Variants in CATSPERB observed in about 807,000 individuals in gnomAD.
CATSPERB encodes the protein catsper channel auxiliary subunit beta, also known as cation channel sperm-associated auxiliary subunit beta.
A neutral mutation model predicts 128.3 loss-of-function variants in CATSPERB; 93 were observed. The ratio of observed to expected loss-of-function variants is 0.72; its 90% CI spans 0.61 to 0.86. CATSPERB has a LOEUF of 0.86. Ranked by LOEUF, CATSPERB falls within the 40% of genes least tolerant of loss-of-function variation. The pLI, the probability that CATSPERB is intolerant of heterozygous loss-of-function variation, is 0.00. For synonymous variants in CATSPERB, 381 were observed against 448.8 expected, an observed-to-expected ratio of 0.85 and a Z score of 1.91; for missense variants, 1,153 against 1,329.5, an observed-to-expected ratio of 0.87 and a Z score of 2.06.
At chr14:91,625,036 T>C (rs1480095216) in intron 17 of CATSPERB, 29 bp from the exon 18 acceptor site, 15 of 1,478,472 alleles carry the variant, frequency 1.0e-5, no homozygotes, top group Non-Finnish European at 1.3e-5. Context: ...ATTAAGCAAT[T>C]TGGATAAAAC....
In CATSPERB at chr14:91,664,512, C is replaced by T. The variant is rs759865927; in HGVS notation, c.1288-4531G>A. On this transcript the variant is annotated intron_variant, in intron 14 of 26. Coordinates refer to ENST00000256343, the MANE Select transcript of CATSPERB (RefSeq NM_024764.4). ...AACTCCTGACCTCAGGTGATCCACCCGCCTCGGCCTCCCAAAGTGCTGGGA... is the reference window on the plus strand; with the variant it reads ...AACTCCTGACCTCAGGTGATCCACCTGCCTCGGCCTCCCAAAGTGCTGGGA... Among the ~76,000 whole-genome samples, 7 of 152,082 alleles carry T rather than the reference C, an allele frequency of 4.6e-5. No individual in the cohort carries two copies. The South Asian group carries it at 8.3e-4, about 18-fold the overall frequency.
At chr14:91,706,287 T>C (rs2139856104) in intron 6 of CATSPERB, among the ~76,000 whole-genome samples, 1 of 152,240 alleles carries the variant, frequency 6.6e-6, no homozygotes, top group East Asian at 1.9e-4. Context: ...CACTCCAGAA[T>C]TCAAAGAAAT....
At chr14:91,629,171 A>T (rs1894224609) in intron 17 of CATSPERB, among the ~76,000 whole-genome samples, 1 of 152,206 alleles carries the variant, frequency 6.6e-6, no homozygotes, top group African/African-American at 2.4e-5. Flanking sequence ...AGATGATGGA[A>T]TATTATATGA....
chr14:91,670,437 G>C (rs1895067830), intron 13 of CATSPERB, among the ~76,000 whole-genome samples: 1 of 151,968 alleles, frequency 6.6e-6, no homozygotes, highest in Admixed American at 6.6e-5. Flanking sequence ...CAGCACTTTG[G>C]GAGGCCTATG....
chr14:91,595,139 T>C (rs933613033), intron 22 of CATSPERB, among the ~76,000 whole-genome samples: 1 of 152,144 alleles, frequency 6.6e-6, no homozygotes, highest in Non-Finnish European at 1.5e-5. Flanking sequence ...CAGTTTCCCA[T>C]TTTTACTAAA....
chr14:91,592,286 C>T (rs771415814), intron 22 of CATSPERB: 3 of 402,360 alleles, frequency 7.5e-6, no homozygotes, highest in African/African-American at 2.1e-5. Context: ...CTGAATTCTG[C>T]ATCCCAGGAC....
At chr14:91,728,753 T>C (rs1445913493) in intron 2 of CATSPERB, among the ~76,000 whole-genome samples, 1 of 152,178 alleles carries the variant, frequency 6.6e-6, no homozygotes, top group Non-Finnish European at 1.5e-5. Context: ...TCAACAAGAA[T>C]CATGATATAA....
chr14:91,685,802 G>T (rs1895363599), intron 10 of CATSPERB, among the ~76,000 whole-genome samples: 1 of 152,228 alleles, frequency 6.6e-6, no homozygotes, highest in East Asian at 1.9e-4. Context: ...GAGTGGTTTA[G>T]CATGGCCAGG....
At chr14:91,605,743 C>G (rs1174617429) in intron 22 of CATSPERB, among the ~76,000 whole-genome samples, 1 of 152,112 alleles carries the variant, frequency 6.6e-6, no homozygotes, top group Non-Finnish European at 1.5e-5. Context: ...TCTGTTACCA[C>G]TCTCTCCTCC....
chr14:91,621,228 C>T lies in CATSPERB; in HGVS notation c.2260+380G>A, dbSNP rs574614737. Among the ~76,000 whole-genome samples, 66 of 152,176 alleles carry T rather than the reference C, an allele frequency of 4.3e-4. 1 individual carries two copies. Among genetic ancestry groups the T allele is most frequent in the African/African-American group, 1.6e-3 (65 of 41,520 alleles). ...AGCAGCCTGGCCAACATGGCAAAAC[C>T]CTGTCTCTACTAAAAATACAAAAAA... On this transcript the variant is annotated intron_variant, in intron 19 of 26. Coordinates refer to ENST00000256343, the MANE Select transcript of CATSPERB (RefSeq NM_024764.4).
At chr14:91,721,373 C>A (rs888868660) in intron 4 of CATSPERB, among the ~76,000 whole-genome samples, 1 of 151,958 alleles carries the variant, frequency 6.6e-6, no homozygotes, top group East Asian at 1.9e-4. Context: ...TTTTACAAAT[C>A]AAAAACACGA....
rs757508931 is a variant in CATSPERB, at chr14:91,580,927, G to C, written c.3313C>G (p.Leu1105Val). Residue 1105 changes from leucine to valine, a missense_variant, in exon 27 of 27, where the codon CTC becomes GTC. Transcript: ENST00000256343. ...RNQEKFSSIS[L>V]SELIHRSKSE... ...TTTGATCTATGAATCAGCTCACTGA[G>C]AGAGATACTTGAAAACTTCTCTTGG... The C allele has an allele frequency of 1.9e-6, 3 of 1,614,002 alleles. No homozygotes were observed. Among genetic ancestry groups the C allele is most frequent in the African/African-American group, 2.7e-5 (2 of 74,934 alleles).
At chr14:91,699,538 T>C (rs1595183954) in intron 7 of CATSPERB, among the ~76,000 whole-genome samples, 1 of 151,774 alleles carries the variant, frequency 6.6e-6, no homozygotes, top group Non-Finnish European at 1.5e-5. Context: ...CAATTTTGCA[T>C]CCCAGGAATG....
intron 10 of CATSPERB, among the ~76,000 whole-genome samples, chr14:91,689,384 C>G (rs563120986): frequency 2.4e-4 from 37 of 152,318 alleles, no homozygotes; most frequent in African/African-American, 7.9e-4. Flanking sequence ...AAAGCAGGCT[C>G]CCAGTGAGCC....
intron 2 of CATSPERB, among the ~76,000 whole-genome samples, chr14:91,727,077 C>T (rs1462854619): frequency 6.6e-6 from 1 of 152,150 alleles, no homozygotes; most frequent in Non-Finnish European, 1.5e-5. Flanking sequence ...GCTTGGATAT[C>T]TTAATTACAA....
rs189112198 is a variant in CATSPERB at position 91,634,695 on chromosome 14, A to C, written c.1742+1730T>G. On this transcript the variant is annotated intron_variant, in intron 17 of 26. Coordinates refer to ENST00000256343, the MANE Select transcript of CATSPERB (RefSeq NM_024764.4). Reference sequence around the variant, plus strand: ...ACACACACACACACCATGGAATACTACTCAGCCATACAAAACAATGAAATA... The same window carrying C: ...ACACACACACACACCATGGAATACTCCTCAGCCATACAAAACAATGAAATA... Among the ~76,000 whole-genome samples the C allele has an allele frequency of 1.6e-3, 19 of 11,566 alleles. No individual in the cohort carries two copies. The East Asian group carries it at 0.077, about 47-fold the overall frequency. The allele number at this position is 11,566 out of a possible 152,430, so 7.6% of individuals were successfully genotyped here.
At chr14:91,706,551 T>C (rs892087241) in intron 6 of CATSPERB, among the ~76,000 whole-genome samples, 1 of 152,164 alleles carries the variant, frequency 6.6e-6, no homozygotes, top group Non-Finnish European at 1.5e-5. Context: ...CTGGTGACTG[T>C]GATTAGCAAC....
chr14:91,590,868 G>A (rs976064470), intron 23 of CATSPERB, among the ~76,000 whole-genome samples: 1 of 151,624 alleles, frequency 6.6e-6, no homozygotes, highest in Non-Finnish European at 1.5e-5. Context: ...AGCCAGGATG[G>A]TCTCAATCTC....
intron 11 of CATSPERB, among the ~76,000 whole-genome samples, chr14:91,680,075 A>G (rs1895254292): frequency 6.6e-6 from 1 of 152,234 alleles, no homozygotes; most frequent in South Asian, 2.1e-4. Context: ...AGCCTGTATT[A>G]AAAAACATTA....
Sources: allele counts gnomAD v4.1 joint callset (sites outside exome capture counted in the v4.1 genomes callset), GRCh38; gene constraint gnomAD v4.1.1; transcripts MANE v1.5; gene names NCBI Gene and HGNC (gene_info 2026-07-23, HGNC 2026-07-21).